Variants in ADCY1 observed in about 807,000 individuals in gnomAD.
ADCY1 encodes the protein adenylate cyclase 1.
Under a neutral mutation model 105.4 loss-of-function variants are expected in ADCY1, and 28 were observed. The observed-to-expected ratio is 0.27, with a 90% CI of 0.20 to 0.36. The LOEUF (loss-of-function observed/expected upper bound fraction) is 0.36. Among genes scored for constraint, ADCY1 ranks in the 10% least tolerant of loss-of-function variants. The pLI is 1.00. For missense variants in ADCY1, 977 were observed against 1,434.2 expected, an observed-to-expected ratio of 0.68 and a Z score of 5.15; for synonymous variants, 655 against 623.8, an observed-to-expected ratio of 1.05 and a Z score of -0.75.
chr7:45,682,093 C>A lies in ADCY1; in HGVS notation c.1983+2300C>A, dbSNP rs111953514. 4.3e-3 allele frequency among the ~76,000 whole-genome samples: 656 copies of A among 152,322 alleles called. 2 individuals carry two copies. Among genetic ancestry groups the A allele is most frequent in the African/African-American group, 0.015 (611 of 41,572 alleles). On this transcript the variant is annotated intron_variant, in intron 11 of 19. Coordinates refer to ENST00000297323, the MANE Select transcript of ADCY1 (RefSeq NM_021116.4). ...GGCGGTGATGATGGCCCCCACCTCA[C>A]TGGCTTGACATGAGGATTCAGTGAG...
At chr7:45,700,655 A>G (rs1784980080) in intron 14 of ADCY1, among the ~76,000 whole-genome samples, 1 of 152,196 alleles carries the variant, frequency 6.6e-6, no homozygotes, top group Admixed American at 6.5e-5. Flanking sequence ...GATGTTGAAG[A>G]ATGAACTGGC....
intron 4 of ADCY1, among the ~76,000 whole-genome samples, chr7:45,627,517 T>G (rs1274964953): frequency 6.6e-6 from 1 of 152,168 alleles, no homozygotes; most frequent in Non-Finnish European, 1.5e-5. Context: ...ACAATGGCTA[T>G]CCCCGCCTGT....
At chr7:45,641,772 A>G in intron 4 of ADCY1, among the ~76,000 whole-genome samples, 1 of 142,130 alleles carries the variant, frequency 7.0e-6, no homozygotes, top group African/African-American at 2.6e-5. Flanking sequence ...TAAAAATACA[A>G]AAAATTAGCC....
intron 1 of ADCY1, among the ~76,000 whole-genome samples, chr7:45,590,908 G>C (rs952226638): frequency 2.0e-5 from 3 of 152,138 alleles, no homozygotes; most frequent in Non-Finnish European, 4.4e-5. Context: ...CAGCCCCACA[G>C]GGTCAGGTGG....
intron 3 of ADCY1, among the ~76,000 whole-genome samples, chr7:45,620,131 A>T (rs897384915): frequency 6.6e-6 from 1 of 152,262 alleles, no homozygotes; most frequent in African/African-American, 2.4e-5. Context: ...CAAGTGAAAT[A>T]AGTCAGTTAC....
At chr7:45,615,065 G>A (rs1793700663) in intron 3 of ADCY1, among the ~76,000 whole-genome samples, 1 of 152,100 alleles carries the variant, frequency 6.6e-6, no homozygotes, top group Non-Finnish European at 1.5e-5. Flanking sequence ...AACTCAAAAA[G>A]CAGAATACAC....
intron 4 of ADCY1, among the ~76,000 whole-genome samples, chr7:45,645,597 G>A (rs9638987): frequency 0.19 from 28,492 of 152,066 alleles, 3,002 homozygotes; most frequent in Middle Eastern, 0.31. Context: ...GGATAGGCTT[G>A]TTCTGGACTC....
At position 45,588,617 on chromosome 7, in the gene ADCY1, G is replaced by A. The variant is rs73318951; in HGVS notation, c.640-4142G>A. ...GGGGCTGGCCCTGGTGATGTTTTCAGGTGGTGCACAGTCAAGTAGAGATGC... is the reference window on the plus strand; with the variant it reads ...GGGGCTGGCCCTGGTGATGTTTTCAAGTGGTGCACAGTCAAGTAGAGATGC... On this transcript the variant is annotated intron_variant, in intron 1 of 19. Transcript: ENST00000297323. Among the ~76,000 whole-genome samples, 1,481 of 151,964 alleles carry A rather than the reference G, an allele frequency of 9.7e-3. 27 individuals are homozygous for A. The highest frequency in any genetic ancestry group is 0.035 in the African/African-American group (1,430 of 41,442).
chr7:45,594,826 A>G (rs1045338169), intron 2 of ADCY1, among the ~76,000 whole-genome samples: 1 of 152,188 alleles, frequency 6.6e-6, no homozygotes, highest in Non-Finnish European at 1.5e-5. Context: ...CACCCAATCC[A>G]GTTAACCCAG....
At chr7:45,667,631 T>C (rs908196361) in intron 8 of ADCY1, among the ~76,000 whole-genome samples, 5 of 152,234 alleles carry the variant, frequency 3.3e-5, no homozygotes, top group African/African-American at 1.2e-4. Context: ...TGGTTCCATA[T>C]GAACTTTAAA....
intron 8 of ADCY1, among the ~76,000 whole-genome samples, chr7:45,666,323 C>T (rs546630684): frequency 1.3e-5 from 2 of 152,166 alleles, no homozygotes; most frequent in Admixed American, 6.5e-5. Flanking sequence ...GTGTGATGTT[C>T]CCCTTCCTGT....
intron 1 of ADCY1, among the ~76,000 whole-genome samples, chr7:45,588,655 G>A (rs1244195430): frequency 3.3e-5 from 5 of 151,978 alleles, no homozygotes; most frequent in Admixed American, 6.5e-5. Context: ...CAGGGCCTGC[G>A]GACAGGTCCT....
At position 45,610,408 on chromosome 7, in the gene ADCY1, G is replaced by A. The variant is rs755132579; in HGVS notation, c.819G>A (p.Arg273=). 3 of 1,613,914 alleles carry A rather than the reference G, an allele frequency of 1.9e-6. No homozygotes were observed. Among genetic ancestry groups the A allele is most frequent in the Non-Finnish European group, 2.5e-6 (3 of 1,179,970 alleles). The change falls in exon 3 of 20, where the codon CGG becomes CGA. Residue 273 remains arginine (R), a synonymous_variant. Coordinates refer to ENST00000297323, the MANE Select transcript of ADCY1 (RefSeq NM_021116.4). ...GGCTCCTCATGAGCCTCCTGCCCCG[G>A]AACGTTGCCATGGAGATGAAGGAGG... ...QERLLMSLLP[R]NVAMEMKEDF... is the part of the protein sequence containing the mutation.
intron 11 of ADCY1, 193 bp from the exon 12 acceptor site, chr7:45,684,786 A>G (rs1479035846): frequency 4.0e-6 from 2 of 499,848 alleles, no homozygotes; most frequent in African/African-American, 3.8e-5. Flanking sequence ...TCTTTTTTTA[A>G]CTTTGGCAAG....
chr7:45,638,144 A>G (rs919422933), intron 4 of ADCY1, among the ~76,000 whole-genome samples: 2 of 152,108 alleles, frequency 1.3e-5, no homozygotes, highest in African/African-American at 2.4e-5. Context: ...ACAAAAAACA[A>G]AAAAAAACCT....
chr7:45,686,403 G>A lies in ADCY1; in HGVS notation c.2328-144G>A. On this transcript the variant is annotated intron_variant, in intron 13 of 19. Coordinates refer to ENST00000297323, the MANE Select transcript of ADCY1 (RefSeq NM_021116.4). The surrounding 1 kb of genome is among the most constrained non-coding windows in gnomAD (Gnocchi z 4.3). ...GGACTCAGATTTCCCTATGATAAGT[G>A]ATTCTTGGCCAAGGTCAATCCCAGC... 7.1e-7 allele frequency: 1 copy of A among 1,417,622 alleles called. No homozygotes were observed. Among genetic ancestry groups the A allele is most frequent in the Non-Finnish European group, 9.4e-7 (1 of 1,061,300 alleles). The allele number at this position is 1,417,622 out of a possible 1,614,324, so 87.8% of individuals were successfully genotyped here.
chr7:45,610,259 G>A (rs1280891651), intron 2 of ADCY1, 120 bp from the exon 3 acceptor site: 29 of 816,056 alleles, frequency 3.6e-5, no homozygotes, highest in Middle Eastern at 6.6e-4. Context: ...TGGCAGTCCA[G>A]CCCTGGACGT....
rs542476714 is a variant in ADCY1 at position 45,610,530 on chromosome 7, G to A, written c.908+33G>A. 10 of 1,579,336 alleles carry A rather than the reference G, an allele frequency of 6.3e-6. No homozygotes were observed. The Admixed American group carries it at 1.0e-4, about 16-fold the overall frequency. Reference sequence around the variant, plus strand: ...TGGTGCTGACCCGGCACAGCGGGGAGCCTGGGAAGCTGAGGTGTGGAGATA... The same window carrying A: ...TGGTGCTGACCCGGCACAGCGGGGAACCTGGGAAGCTGAGGTGTGGAGATA... On this transcript the variant is annotated intron_variant, in intron 3 of 19. Transcript: ENST00000297323.
chr7:45,668,936 C>T (rs1341702089), intron 8 of ADCY1, among the ~76,000 whole-genome samples: 1 of 152,172 alleles, frequency 6.6e-6, no homozygotes, highest in Non-Finnish European at 1.5e-5. Flanking sequence ...TTATAGTATT[C>T]TGTGATGGTA....
Sources: gnomAD v4.1 joint callset for allele counts (sites outside exome capture counted in the v4.1 genomes callset) on GRCh38, gnomAD v4.1.1 for gene constraint, Gnocchi (gnomAD v3.1) non-coding constraint, MANE v1.5 for transcripts, NCBI Gene and HGNC (gene_info 2026-07-23, HGNC 2026-07-21) for gene names.